Variants in GNG12 observed in about 807,000 individuals in gnomAD.
GNG12 encodes guanine nucleotide-binding protein G(I)/G(S)/G(O) subunit gamma-12.
For synonymous variants in GNG12, 28 were observed against 29.7 expected (o/e 0.94, Z 0.19); for missense variants, 69 against 83.8 (o/e 0.82, Z 0.69).
At chr1:67,746,422 C>CTTTTT (rs201057544) in intron 2 of GNG12, among the ~76,000 whole-genome samples, 7 of 150,248 alleles carry the variant, frequency 4.7e-5, no homozygotes, top group Non-Finnish European at 1.0e-4. Context: ...TTACCAAATA[C>CTTTTT]TTTTTTTTTT....
intron 2 of GNG12, among the ~76,000 whole-genome samples, chr1:67,746,591 C>T: frequency 6.6e-6 from 1 of 152,094 alleles, no homozygotes; most frequent in East Asian, 1.9e-4. Flanking sequence ...CCAGGAGCCT[C>T]CCTCATTCCT....
intron 2 of GNG12, among the ~76,000 whole-genome samples, chr1:67,749,909 C>G (rs1177947116): frequency 6.6e-6 from 1 of 152,216 alleles, no homozygotes; most frequent in Non-Finnish European, 1.5e-5. Context: ...TGCTGAGTCA[C>G]TGGTTAGGAA....
intron 2 of GNG12, among the ~76,000 whole-genome samples, chr1:67,728,477 C>T (rs1489618001): frequency 6.6e-6 from 1 of 152,216 alleles, no homozygotes; most frequent in East Asian, 1.9e-4. Context: ...GGATAGCCCT[C>T]CCTTGCTTGC....
At chr1:67,759,088 C>T (rs1646587230) in intron 2 of GNG12, among the ~76,000 whole-genome samples, 1 of 152,208 alleles carries the variant, frequency 6.6e-6, no homozygotes, top group South Asian at 2.1e-4. Flanking sequence ...AGCCCAATTA[C>T]CCTGATTTGA....
At chr1:67,724,681 C>T (rs779399623) in intron 2 of GNG12, among the ~76,000 whole-genome samples, 28 of 152,248 alleles carry the variant, frequency 1.8e-4, no homozygotes, top group South Asian at 4.1e-4. Context: ...TCAGCCACCG[C>T]GCCTGGCCCA....
At chr1:67,766,688 C>T (rs1429772096) in intron 2 of GNG12, among the ~76,000 whole-genome samples, 3 of 151,934 alleles carry the variant, frequency 2.0e-5, no homozygotes, top group Non-Finnish European at 2.9e-5. Context: ...TCCCTCCCAC[C>T]CGGTCTCCTC....
Position 67,768,093 on chromosome 1 carries a change from T to C in GNG12, c.-27+9365A>G, listed in dbSNP as rs112203613. Among the ~76,000 whole-genome samples, 748 of 152,338 alleles carry C rather than the reference T, an allele frequency of 4.9e-3. 6 individuals are homozygous for C. Among genetic ancestry groups the C allele is most frequent in the Non-Finnish European group, 8.9e-3 (604 of 68,016 alleles). On this transcript the variant is annotated intron_variant, in intron 2 of 3. Transcript: ENST00000370982. ...TGCTTGGTCTTCTGCAAATTCTTAT[T>C]TGTAAAACGGAATGTGCTGGGAAAA...
intron 1 of GNG12, among the ~76,000 whole-genome samples, chr1:67,795,470 G>A (rs188010667): frequency 5.9e-5 from 9 of 152,280 alleles, no homozygotes; most frequent in Non-Finnish European, 1.0e-4. Context: ...TCACTAGGTC[G>A]TCCATACATA....
intron 1 of GNG12, among the ~76,000 whole-genome samples, chr1:67,825,683 T>G (rs1439512799): frequency 2.6e-5 from 4 of 152,228 alleles, no homozygotes; most frequent in Non-Finnish European, 5.9e-5. Context: ...CAAAGGCTCC[T>G]GCAACCACTG....
chr1:67,730,965 G>T (rs17466121), intron 2 of GNG12, among the ~76,000 whole-genome samples: 13,832 of 152,166 alleles, frequency 0.091, 655 homozygotes, highest in Admixed American at 0.11. Context: ...GGCATTCATG[G>T]TATTCCATAG....
chr1:67,752,709 T>C (rs547276949), intron 2 of GNG12, among the ~76,000 whole-genome samples: 8 of 152,254 alleles, frequency 5.3e-5, no homozygotes, highest in Non-Finnish European at 1.0e-4. Flanking sequence ...TGATTTCATA[T>C]ACTTTAATTT....
At chr1:67,798,943 G>A (rs1202787993) in intron 1 of GNG12, among the ~76,000 whole-genome samples, 1 of 151,298 alleles carries the variant, frequency 6.6e-6, no homozygotes, top group East Asian at 1.9e-4. Flanking sequence ...GCAGAGCAAG[G>A]CTGTCTCACA....
chr1:67,732,930 A>T (rs1646429175), intron 2 of GNG12, among the ~76,000 whole-genome samples: 1 of 152,204 alleles, frequency 6.6e-6, no homozygotes, highest in African/African-American at 2.4e-5. Flanking sequence ...GCGCTTTATC[A>T]TGGCCAAGGG....
intron 2 of GNG12, among the ~76,000 whole-genome samples, chr1:67,753,982 G>A (rs954630041): frequency 6.6e-6 from 1 of 152,092 alleles, no homozygotes; most frequent in Admixed American, 6.5e-5. Flanking sequence ...TGCCCTACAC[G>A]GGCTGCTGTT....
At chr1:67,817,787 CTTTTTTTTT>C (rs66518207) in intron 1 of GNG12, among the ~76,000 whole-genome samples, 1 of 108,258 alleles carries the variant, frequency 9.2e-6, no homozygotes, top group African/African-American at 3.7e-5. Context: ...TTCTTTCTTT[CTTTTTTTTT>C]TTTTTTTTTT....
chr1:67,765,356 A>G (rs1295541860), intron 2 of GNG12, among the ~76,000 whole-genome samples: 1 of 152,208 alleles, frequency 6.6e-6, no homozygotes, highest in Non-Finnish European at 1.5e-5. Context: ...CTATGATTGT[A>G]TATTGCACTT....
chr1:67,801,929 G>C (rs1163422591), intron 1 of GNG12, among the ~76,000 whole-genome samples: 1 of 135,706 alleles, frequency 7.4e-6, no homozygotes, highest in Non-Finnish European at 1.7e-5. Flanking sequence ...GGAAGGAAGG[G>C]AAGGGGGAAG....
chr1:67,759,300 C>T (rs1015754718), intron 2 of GNG12, among the ~76,000 whole-genome samples: 3 of 152,218 alleles, frequency 2.0e-5, no homozygotes, highest in Non-Finnish European at 2.9e-5. Flanking sequence ...ATGGTTCCTG[C>T]GTAGGCAGTC....
chr1:67,819,094 A>T (rs1424539107), intron 1 of GNG12, among the ~76,000 whole-genome samples: 1 of 152,132 alleles, frequency 6.6e-6, no homozygotes, highest in East Asian at 1.9e-4. Flanking sequence ...CCACAACAAC[A>T]ATCCAGGTGA....
Sources: gnomAD v4.1 joint callset for allele counts (sites outside exome capture counted in the v4.1 genomes callset) on GRCh38, gnomAD v4.1.1 for gene constraint, MANE v1.5 for transcripts, NCBI Gene and HGNC (gene_info 2026-07-23, HGNC 2026-07-21) for gene names.